PGLYRP4: variants seen among roughly 807,000 people sequenced by gnomAD.
PGLYRP4 encodes the protein peptidoglycan recognition protein 4, also known as PGRP-I-beta.
A neutral mutation model predicts 41.2 loss-of-function variants in PGLYRP4; 39 were observed. The ratio of observed to expected loss-of-function variants is 0.95; its 90% CI spans 0.73 to 1.24. The LOEUF (loss-of-function observed/expected upper bound fraction) is 1.24, where lower values mean the gene tolerates loss of function less well. Ranked by LOEUF, PGLYRP4 falls within the 50% of genes most tolerant of loss-of-function variation. PGLYRP4 has a pLI of 0.00. For synonymous variants in PGLYRP4, 202 were observed against 186.8 expected, an observed-to-expected ratio of 1.08 and a Z score of -0.66; for missense variants, 467 against 460.7, an observed-to-expected ratio of 1.01 and a Z score of -0.13.
At chr1:153,343,068 G>T in intron 5 of PGLYRP4, 22 bp downstream of exon 5, 1 of 1,444,558 alleles carries the variant, frequency 6.9e-7, no homozygotes, top group Non-Finnish European at 9.7e-7. Flanking sequence ...CTTTGGAGAA[G>T]GTCAGCTGTG....
Position 153,330,948 on chromosome 1 carries a change from G to A in PGLYRP4, c.944-3C>T, listed in dbSNP as rs754889825. The A allele has an allele frequency of 1.9e-6, 3 of 1,609,810 alleles. No homozygotes were observed. In the South Asian group the frequency reaches 3.3e-5, roughly 18 times the overall value. On this transcript the variant is annotated splice_region_variant and splice_polypyrimidine_tract_variant and intron_variant, in intron 8 of 8. Coordinates refer to ENST00000359650, the MANE Select transcript of PGLYRP4 (RefSeq NM_020393.4). ...TGCTGCAGCATTGGGTGGTATACCT[G>A]CAAAACACAGCAGCCCATTGTCTAC... is the stretch of plus-strand genomic sequence containing the variant.
chr1:153,347,801 C>T (rs1172441884), intron 2 of PGLYRP4, 83 bp downstream of exon 2: 2 of 999,478 alleles, frequency 2.0e-6, no homozygotes, highest in African/African-American at 3.2e-5. Context: ...CTCAGATGGA[C>T]AGTAGGTATT....
rs144152847 is a variant in PGLYRP4, at chr1:153,335,117, C to T, written c.943+2064G>A. 4.0e-4 allele frequency among the ~76,000 whole-genome samples: 61 copies of T among 152,212 alleles called. 1 individual carries two copies. Among genetic ancestry groups the T allele is most frequent in the South Asian group, 3.5e-3 (17 of 4,828 alleles). ...TTAGAAGAAAACCCAGGGAAAAACT[C>T]TTCTGGACATGGGCCTAGGCAAAGC... On this transcript the variant is annotated intron_variant, in intron 8 of 8. Coordinates refer to ENST00000359650, the MANE Select transcript of PGLYRP4 (RefSeq NM_020393.4).
intron 1 of PGLYRP4, 66 bp from the exon 2 acceptor site, chr1:153,348,044 C>T: frequency 5.8e-6 from 5 of 865,558 alleles, no homozygotes; most frequent in Non-Finnish European, 9.3e-6. Flanking sequence ...CAAACCCTGA[C>T]TGCAGTGGGT....
intron 3 of PGLYRP4, 23 bp from the exon 4 acceptor site, chr1:153,345,405 C>A (rs770607973): frequency 2.0e-5 from 32 of 1,601,122 alleles, no homozygotes; most frequent in Non-Finnish European, 2.7e-5. Flanking sequence ...ACTCAGCGCA[C>A]CTGCCCCATC....
intron 8 of PGLYRP4, among the ~76,000 whole-genome samples, chr1:153,334,141 C>T (rs1369838700): frequency 6.6e-6 from 1 of 151,878 alleles, no homozygotes; most frequent in Non-Finnish European, 1.5e-5. Flanking sequence ...TAATCTTATA[C>T]CTACAAAACC....
chr1:153,344,654 C>T (rs1052425240), intron 4 of PGLYRP4, among the ~76,000 whole-genome samples: 3 of 152,180 alleles, frequency 2.0e-5, no homozygotes, highest in Non-Finnish European at 2.9e-5. Context: ...CCTACTAGAG[C>T]GATCATTACA....
intron 8 of PGLYRP4, among the ~76,000 whole-genome samples, chr1:153,335,908 A>G (rs1193848567): frequency 1.3e-5 from 2 of 152,140 alleles, no homozygotes; most frequent in Non-Finnish European, 2.9e-5. Flanking sequence ...GTATCAACCC[A>G]AAGAAAAAGA....
intron 5 of PGLYRP4, among the ~76,000 whole-genome samples, 165 bp from the exon 6 acceptor site, chr1:153,341,944 G>A (rs1045033976): frequency 6.6e-6 from 1 of 152,124 alleles, no homozygotes; most frequent in Non-Finnish European, 1.5e-5. Context: ...GGATCTTCCT[G>A]GAAAGATCTC....
intron 8 of PGLYRP4, among the ~76,000 whole-genome samples, chr1:153,333,113 A>G (rs746061118): frequency 3.3e-5 from 5 of 152,122 alleles, no homozygotes; most frequent in Middle Eastern, 3.2e-3. Context: ...GAAAGGATCA[A>G]TGAAACAAAA....
At chr1:153,337,816 C>T (rs779513605) in intron 7 of PGLYRP4, among the ~76,000 whole-genome samples, 3 of 152,150 alleles carry the variant, frequency 2.0e-5, no homozygotes, top group Non-Finnish European at 2.9e-5. Flanking sequence ...AAGTAAACTT[C>T]CCCAGTCTTT....
chr1:153,342,461 A>G (rs1244826924), intron 5 of PGLYRP4, among the ~76,000 whole-genome samples: 1 of 152,170 alleles, frequency 6.6e-6, no homozygotes, highest in Non-Finnish European at 1.5e-5. Flanking sequence ...GGACTCTCTC[A>G]AAAGGTACTG....
Position 153,347,910 on chromosome 1 carries a change from A to G in PGLYRP4, c.23T>C (p.Phe8Ser). ...CCAGGCCTGGATACCCAGAGCAGAGAAGACAAGAAGCCACGGCAGCATCCC... is the reference window on the plus strand; with the variant it reads ...CCAGGCCTGGATACCCAGAGCAGAGGAGACAAGAAGCCACGGCAGCATCCC... MLPWLLVFSALGIQAWGD... is the reference protein window; with the variant it reads MLPWLLVSSALGIQAWGD... The change falls in exon 2 of 9, where the codon TTC becomes TCC. Residue 8 changes from phenylalanine to serine, a missense_variant. Transcript: ENST00000359650. 1 of 1,613,632 alleles carries G rather than the reference A, an allele frequency of 6.2e-7. No individual in the cohort carries two copies. Among genetic ancestry groups the G allele is most frequent in the Non-Finnish European group, 8.5e-7 (1 of 1,179,616 alleles).
rs138691534 is a variant in PGLYRP4, at chr1:153,330,832, G to A, written c.1057C>T (p.Arg353Ter). Reference protein sequence around the residue: ...YLLVGHSDVARTLSPGQALYN... With the variant: ...YLLVGHSDVA ...AAAGCCTGCCCAGGAGACAAGGTTC[G>A]GGCCACATCACTGTGGCCCACCAGC... Residue 353 changes from arginine to a stop codon, truncating the protein, a stop_gained, in exon 9 of 9, where the codon CGA becomes TGA. Coordinates refer to ENST00000359650, the MANE Select transcript of PGLYRP4 (RefSeq NM_020393.4). LOFTEE classifies it high-confidence loss of function. 98 of 1,613,832 alleles carry A rather than the reference G, an allele frequency of 6.1e-5. No homozygotes were observed. Among genetic ancestry groups the A allele is most frequent in the African/African-American group, 2.7e-4 (20 of 74,840 alleles).
intron 2 of PGLYRP4, 151 bp downstream of exon 2, chr1:153,347,733 A>G: frequency 1.5e-6 from 1 of 657,896 alleles, no homozygotes; most frequent in Non-Finnish European, 2.8e-6. Context: ...TTCCTCTGTC[A>G]CTCAGGCTGG....
At chr1:153,336,309 T>C (rs1326655436) in intron 8 of PGLYRP4, among the ~76,000 whole-genome samples, 1 of 132,886 alleles carries the variant, frequency 7.5e-6, no homozygotes, top group Non-Finnish European at 1.5e-5. Context: ...AGGCGGAGGT[T>C]TCAGTAAGCC....
chr1:153,333,842 A>C (rs551139908), intron 8 of PGLYRP4, among the ~76,000 whole-genome samples: 1 of 152,340 alleles, frequency 6.6e-6, no homozygotes, highest in East Asian at 1.9e-4. Context: ...CAGAAAAAGC[A>C]TTCAATTAAA....
chr1:153,347,905 CA>C lies in PGLYRP4; in HGVS notation c.27del (p.Ala10LeufsTer63). On this transcript the variant is annotated frameshift_variant, in exon 2 of 9. Coordinates refer to ENST00000359650, the MANE Select transcript of PGLYRP4 (RefSeq NM_020393.4). LOFTEE classifies it high-confidence loss of function. MLPWLLVF[S>X]ALGIQAWGDS... ...TTACCCCAGGCCTGGATACCCAGAG[CA>C]GAGAAGACAAGAAGCCACGGCAGCA... The C allele has an allele frequency of 6.2e-7, 1 of 1,613,582 alleles. No homozygotes were observed. Among genetic ancestry groups the C allele is most frequent in the South Asian group, 1.1e-5 (1 of 91,018 alleles).
rs1440954764 is a variant in PGLYRP4, at chr1:153,346,156, C to T, written c.85G>A (p.Val29Ile). Residue 29 changes from valine (V) to isoleucine (I), a missense_variant, in exon 3 of 9, where the codon GTA becomes ATA. Val to Ile is a conservative substitution (Grantham distance 29, BLOSUM62 3). Coordinates refer to ENST00000359650, the MANE Select transcript of PGLYRP4 (RefSeq NM_020393.4). ...AATAGGTACTGGAGCCCCTCTGATA[C>T]CTGTTTAGCTTGTGTTTTGTTCCAG... is the stretch of plus-strand genomic sequence containing the variant. ...SSWNKTQAKQ[V>I]SEGLQYLFEN... The T allele has an allele frequency of 6.2e-7, 1 of 1,613,956 alleles. No individual in the cohort carries two copies. Among genetic ancestry groups the T allele is most frequent in the Admixed American group, 1.7e-5 (1 of 60,006 alleles).
Sources: gnomAD v4.1 joint callset for allele counts (sites outside exome capture counted in the v4.1 genomes callset) on GRCh38, gnomAD v4.1.1 for gene constraint, MANE v1.5 for transcripts, NCBI Gene and HGNC (gene_info 2026-07-23, HGNC 2026-07-21) for gene names.